ST7L: variants seen among roughly 807,000 people sequenced by gnomAD.
ST7L encodes the protein suppression of tumorigenicity 7 like.
In ST7L, 57 loss-of-function variants were observed where a neutral mutation model predicts 72.5. The ratio of observed to expected loss-of-function variants is 0.79; its 90% CI spans 0.64 to 0.98. The LOEUF (loss-of-function observed/expected upper bound fraction) is 0.98. Among genes scored for constraint, ST7L ranks in the 50% least tolerant of loss-of-function variants. The pLI is 0.00. For missense variants in ST7L, 576 were observed against 672.2 expected (o/e 0.86, Z 1.58); for synonymous variants, 221 against 240.9 (o/e 0.92, Z 0.77).
chr1:112,618,403 T>C, intron 1 of ST7L: 1 of 307,662 alleles, frequency 3.3e-6, no homozygotes, highest in Non-Finnish European at 4.8e-6. Flanking sequence ...ACGAAAACGA[T>C]TTCTTAACAG....
chr1:112,539,162 G>C (rs1290589583), intron 14 of ST7L: 9 of 152,146 alleles, frequency 5.9e-5, no homozygotes. Context: ...GGATCACCTG[G>C]GGATCTTGTT....
intron 14 of ST7L, among the ~76,000 whole-genome samples, chr1:112,533,674 A>T (rs1235179274): frequency 6.6e-6 from 1 of 151,904 alleles, no homozygotes. Flanking sequence ...CTATTTATTT[A>T]AGACAAGGTC....
At chr1:112,541,183 G>A (rs1394691312) in intron 14 of ST7L, among the ~76,000 whole-genome samples, 1 of 152,020 alleles carries the variant, frequency 6.6e-6, no homozygotes, top group Non-Finnish European at 1.5e-5. Context: ...TACTCGGGGG[G>A]CTGAGGCGGG....
At chr1:112,612,785 G>T (rs1669274856) in intron 2 of ST7L, among the ~76,000 whole-genome samples, 1 of 152,054 alleles carries the variant, frequency 6.6e-6, no homozygotes, top group African/African-American at 2.4e-5. Flanking sequence ...AACTGTTCAT[G>T]TGACAGAAAA....
intron 6 of ST7L, among the ~76,000 whole-genome samples, chr1:112,586,405 G>A (rs572890604): frequency 6.6e-6 from 1 of 152,112 alleles, no homozygotes; most frequent in South Asian, 2.1e-4. Flanking sequence ...TCCTACCACT[G>A]CACTCCAGCC....
chr1:112,616,571 C>G (rs1392788565), intron 2 of ST7L, among the ~76,000 whole-genome samples: 1 of 151,776 alleles, frequency 6.6e-6, no homozygotes, highest in Non-Finnish European at 1.5e-5. Flanking sequence ...GGTGAAATGC[C>G]ATCTCTACTA....
At chr1:112,534,638 A>G (rs971996934) in intron 14 of ST7L, among the ~76,000 whole-genome samples, 1 of 152,246 alleles carries the variant, frequency 6.6e-6, no homozygotes, top group Non-Finnish European at 1.5e-5. Flanking sequence ...CAATATTATA[A>G]TTTTCTTCTG....
intron 6 of ST7L, among the ~76,000 whole-genome samples, chr1:112,587,592 A>G (rs1051488872): frequency 2.6e-5 from 4 of 152,238 alleles, no homozygotes; most frequent in African/African-American, 9.6e-5. Context: ...AAAAAGAGTG[A>G]AACTCTGTCT....
At chr1:112,569,957 C>CACA (rs1661778011) in intron 11 of ST7L, among the ~76,000 whole-genome samples, 1 of 73,352 alleles carries the variant, frequency 1.4e-5, no homozygotes, top group Non-Finnish European at 2.7e-5. Context: ...GATTCTGTCT[C>CACA]AAAAAAAAAA....
intron 5 of ST7L, among the ~76,000 whole-genome samples, chr1:112,593,868 A>G (rs1229777753): frequency 6.6e-6 from 1 of 152,198 alleles, no homozygotes; most frequent in East Asian, 1.9e-4. Flanking sequence ...ATTTCTGAAA[A>G]TAAAACTACT....
At chr1:112,546,877 TAG>T (rs1557958027) in intron 13 of ST7L, among the ~76,000 whole-genome samples, 1 of 151,824 alleles carries the variant, frequency 6.6e-6, no homozygotes, top group Admixed American at 6.6e-5. Context: ...ATATATTATT[TAG>T]AGAGAGGAAA....
intron 11 of ST7L, among the ~76,000 whole-genome samples, chr1:112,572,356 T>C (rs1662289573): frequency 1.3e-5 from 2 of 152,226 alleles, no homozygotes; most frequent in Non-Finnish European, 2.9e-5. Flanking sequence ...CTCTGAAGCT[T>C]TGAAGCCAGG....
chr1:112,567,494 T>C (rs1001053472), intron 11 of ST7L, among the ~76,000 whole-genome samples: 8 of 152,202 alleles, frequency 5.3e-5, no homozygotes, highest in Non-Finnish European at 1.0e-4. Context: ...TCTCTTATAA[T>C]TGCCTTCTAT....
At chr1:112,540,025 C>G (rs1209331479) in intron 14 of ST7L, 29 of 985,258 alleles carry the variant, frequency 2.9e-5, no homozygotes, top group Non-Finnish European at 3.5e-5. Context: ...TTCTCAGTCT[C>G]TACTAGAGGA....
At chr1:112,534,656 T>C (rs1654898949) in intron 14 of ST7L, among the ~76,000 whole-genome samples, 1 of 152,132 alleles carries the variant, frequency 6.6e-6, no homozygotes, top group African/African-American at 2.4e-5. Context: ...CTGTACCCCA[T>C]GATTCTCCCA....
At chr1:112,617,503 G>A (rs1451224541) in intron 1 of ST7L, among the ~76,000 whole-genome samples, 1 of 152,172 alleles carries the variant, frequency 6.6e-6, no homozygotes, top group South Asian at 2.1e-4. Flanking sequence ...CTGGTAGCCA[G>A]AAGTTCAAGA....
At chr1:112,614,764 C>A (rs1229845793) in intron 2 of ST7L, among the ~76,000 whole-genome samples, 1 of 151,930 alleles carries the variant, frequency 6.6e-6, no homozygotes, top group East Asian at 1.9e-4. Flanking sequence ...CTGAACAACA[C>A]AGTGAGACTC....
chr1:112,540,493 CA>C, intron 14 of ST7L: 14 of 985,348 alleles, frequency 1.4e-5, no homozygotes, highest in Non-Finnish European at 1.7e-5. Context: ...GTTTCCAAAC[CA>C]AATAGCTATA....
At chr1:112,552,324 T>A (rs1234471359) in intron 12 of ST7L, among the ~76,000 whole-genome samples, 2 of 152,226 alleles carry the variant, frequency 1.3e-5, no homozygotes, top group Non-Finnish European at 2.9e-5. Context: ...GGGCCTGCTG[T>A]AGTCATCAAA....
Sources: gnomAD v4.1 joint callset for allele counts (sites outside exome capture counted in the v4.1 genomes callset) on GRCh38, gnomAD v4.1.1 for gene constraint, MANE v1.5 for transcripts, NCBI Gene and HGNC (gene_info 2026-07-23, HGNC 2026-07-21) for gene names.